BUB1: variants seen among roughly 807,000 people sequenced by gnomAD.
BUB1 encodes BUB1 mitotic checkpoint serine/threonine kinase.
In BUB1, 84 loss-of-function variants were observed where a neutral mutation model predicts 135.2. That is an observed-to-expected ratio of 0.62 (90% confidence interval 0.52 to 0.74). The LOEUF is 0.74. Ranked by LOEUF, BUB1 falls within the 30% of genes least tolerant of loss-of-function variation. The pLI is 0.00. For missense variants in BUB1, 1,162 were observed against 1,288.3 expected, an observed-to-expected ratio of 0.90 and a Z score of 1.50; for synonymous variants, 403 against 434.4, an observed-to-expected ratio of 0.93 and a Z score of 0.90.
At chr2:110,650,457 C>T in intron 18 of BUB1, 89 bp downstream of exon 18, 1 of 1,237,096 alleles carries the variant, frequency 8.1e-7, no homozygotes, top group South Asian at 1.3e-5. Flanking sequence ...CAGTGACATT[C>T]AAGTCCCACT....
At chr2:110,651,231 T>C (rs1689777157) in intron 17 of BUB1, among the ~76,000 whole-genome samples, 1 of 152,118 alleles carries the variant, frequency 6.6e-6, no homozygotes, top group Non-Finnish European at 1.5e-5. Context: ...TAACAACAAT[T>C]CAGAGGACAG....
chr2:110,647,266 C>T (rs945125631), intron 19 of BUB1, among the ~76,000 whole-genome samples: 2 of 152,014 alleles, frequency 1.3e-5, no homozygotes, highest in Non-Finnish European at 2.9e-5. Flanking sequence ...TAGACCAGTA[C>T]CTCTCATGAA....
intron 17 of BUB1, among the ~76,000 whole-genome samples, chr2:110,652,059 T>TACACACAC (rs559734586): frequency 2.1e-5 from 3 of 145,210 alleles, no homozygotes; most frequent in Non-Finnish European, 4.6e-5. Context: ...TATACATCCA[T>TACACACAC]ACACACACAC....
In BUB1 at chr2:110,649,048, C is replaced by T. The variant is rs77079114; in HGVS notation, c.2347+186G>A. 463 of 482,762 alleles carry T rather than the reference C, an allele frequency of 9.6e-4. 7 individuals are homozygous for T. The East Asian group carries it at 0.015, about 15-fold the overall frequency. The allele number at this position is 482,762 out of a possible 1,614,324, so 29.9% of individuals were successfully genotyped here. On this transcript the variant is annotated intron_variant, in intron 19 of 24. Transcript: ENST00000302759. ...CTATGAGTTATAGGAGTTATAGTCC[C>T]AACAGCAAGCACAATCCTACAATCA...
intron 19 of BUB1, among the ~76,000 whole-genome samples, chr2:110,647,971 A>G (rs1049029983): frequency 2.0e-5 from 3 of 152,202 alleles, no homozygotes; most frequent in Admixed American, 2.0e-4. Flanking sequence ...TGGTACAGTC[A>G]CTTTGGAAGT....
At chr2:110,638,282 A>C in intron 24 of BUB1, 123 bp from the exon 25 acceptor site, 1 of 610,324 alleles carries the variant, frequency 1.6e-6, no homozygotes, top group Non-Finnish European at 2.6e-6. Flanking sequence ...ACCTAAACAC[A>C]ATACAATGCA....
chr2:110,643,375 A>C lies in BUB1; in HGVS notation c.2348-1141T>G, dbSNP rs117650667. On this transcript the variant is annotated intron_variant, in intron 19 of 24. Transcript: ENST00000302759. ...CCAAAGATAACAGGGGAAACAAAAA[A>C]ATAAGGACACATAGGGCAATTATAG... 1.8e-4 allele frequency among the ~76,000 whole-genome samples: 28 copies of C among 152,346 alleles called. No homozygotes were observed. In the East Asian group the frequency reaches 5.2e-3, roughly 28 times the overall value.
chr2:110,667,964 G>C, intron 6 of BUB1, 115 bp from the exon 7 acceptor site: 1 of 834,392 alleles, frequency 1.2e-6, no homozygotes, highest in Non-Finnish European at 1.9e-6. Flanking sequence ...TTAATCCCAA[G>C]TAGATTTATG....
At position 110,670,574 on chromosome 2, in the gene BUB1, T is replaced by C; in HGVS notation, c.423-6A>G. ...TGAGGCGTGTCTGAAATAACCTAAA[T>C]GACAGCAGAAAAGGCATCAATGTAG... On this transcript the variant is annotated splice_region_variant and splice_polypyrimidine_tract_variant and intron_variant, in intron 4 of 24. Coordinates refer to ENST00000302759, the MANE Select transcript of BUB1 (RefSeq NM_004336.5). 1 of 1,613,876 alleles carries C rather than the reference T, an allele frequency of 6.2e-7. No individual in the cohort carries two copies.
At chr2:110,655,469 T>C (rs1399678185) in intron 16 of BUB1, among the ~76,000 whole-genome samples, 1 of 152,212 alleles carries the variant, frequency 6.6e-6, no homozygotes, top group Non-Finnish European at 1.5e-5. Flanking sequence ...CTTATTTCCT[T>C]TAAATGCTTC....
intron 4 of BUB1, among the ~76,000 whole-genome samples, chr2:110,671,212 A>G (rs1244384934): frequency 2.0e-5 from 3 of 152,252 alleles, no homozygotes; most frequent in Admixed American, 2.0e-4. Flanking sequence ...GGAAAGACTG[A>G]AAATTACATA....
rs375788995 is a variant in BUB1 at position 110,649,391 on chromosome 2, G to GAAAAAAAAAAAAAAA, written c.2204-29_2204-15dup. 1.3e-6 allele frequency: 1 copy of GAAAAAAAAAAAAAAA among 781,396 alleles called. No individual in the cohort carries two copies. The highest frequency in any genetic ancestry group is 1.7e-6 in the Non-Finnish European group (1 of 597,914). 48.4% of individuals were successfully genotyped at this position (781,396 alleles called of 1,614,324 possible). On this transcript the variant is annotated splice_polypyrimidine_tract_variant and intron_variant, in intron 18 of 24. Coordinates refer to ENST00000302759, the MANE Select transcript of BUB1 (RefSeq NM_004336.5). The stretch of plus-strand genomic sequence containing the variant: ...CAACAATGAAGTCTTAAAGGAATGA[G>GAAAAAAAAAAAAAAA]AAAAAAAAAAAAAAAGGGAACATGA...
At chr2:110,664,026 C>CAA (rs77906765) in intron 9 of BUB1, among the ~76,000 whole-genome samples, 7 of 42,696 alleles carry the variant, frequency 1.6e-4, no homozygotes, top group South Asian at 7.2e-4. Context: ...GACTCCATCT[C>CAA]AAAAAAAAAA....
chr2:110,677,877 G>A (rs1409879588), intron 1 of BUB1, 93 bp downstream of exon 1: 27 of 1,430,350 alleles, frequency 1.9e-5, no homozygotes, highest in Non-Finnish European at 2.6e-5. Flanking sequence ...GGGGGCGAAG[G>A]GGGCAAAAGA....
chr2:110,665,531 A>C (rs1690222323), intron 9 of BUB1, among the ~76,000 whole-genome samples: 1 of 151,992 alleles, frequency 6.6e-6, no homozygotes, highest in African/African-American at 2.4e-5. Context: ...TGACAGAGCA[A>C]GACCCCGTCT....
At chr2:110,668,500 C>A (rs1690328627) in intron 6 of BUB1, among the ~76,000 whole-genome samples, 1 of 152,202 alleles carries the variant, frequency 6.6e-6, no homozygotes, top group South Asian at 2.1e-4. Flanking sequence ...ATTAATGAAA[C>A]CTGTACATAC....
Position 110,638,018 on chromosome 2 carries a change from G to A in BUB1, c.3204C>T (p.Ala1068=). The A allele has an allele frequency of 6.3e-7, 1 of 1,594,840 alleles. No homozygotes were observed. The highest frequency in any genetic ancestry group is 8.5e-7 in the Non-Finnish European group (1 of 1,171,570). ...GCAGTACAATTAGCCTATTACGTAG[G>A]GCCCTAATCTTGTTAGTATAGTGTT... ...FQQHYTNKIR[A]LRNRLIVLLL... The change falls in exon 25 of 25, where the codon GCC becomes GCT. Residue 1068 remains alanine (A), a synonymous_variant. Transcript: ENST00000302759.
Position 110,650,618 on chromosome 2 carries a change from G to A in BUB1, c.2131C>T (p.Pro711Ser), listed in dbSNP as rs370231061. 2 of 1,613,888 alleles carry A rather than the reference G, an allele frequency of 1.2e-6. No homozygotes were observed. Among genetic ancestry groups the A allele is most frequent in the Non-Finnish European group, 1.7e-6 (2 of 1,179,938 alleles). ...TDTDAAIAED[P>S]PDAIAGLQAE... Reference sequence around the variant, plus strand: ...TGGAGCCCAGCAATAGCATCTGGTGGATCTTCTGCAATGGCAGCGTCAGTG... The same window carrying A: ...TGGAGCCCAGCAATAGCATCTGGTGAATCTTCTGCAATGGCAGCGTCAGTG... The change falls in exon 18 of 25, where the codon CCA becomes TCA. Residue 711 changes from proline to serine, a missense_variant. Coordinates refer to ENST00000302759, the MANE Select transcript of BUB1 (RefSeq NM_004336.5).
intron 1 of BUB1, among the ~76,000 whole-genome samples, chr2:110,675,481 A>C (rs1690551539): frequency 6.6e-6 from 1 of 152,136 alleles, no homozygotes; most frequent in South Asian, 2.1e-4. Context: ...ATGAGCAGGA[A>C]AAGGTGGGGG....
Sources: allele counts gnomAD v4.1 joint callset (sites outside exome capture counted in the v4.1 genomes callset), GRCh38; gene constraint gnomAD v4.1.1; transcripts MANE v1.5; gene names NCBI Gene and HGNC (gene_info 2026-07-23, HGNC 2026-07-21).